The following ST6GALNAC3 variants were observed in gnomAD, a reference collection of about 807,000 sequenced individuals.
ST6GALNAC3 encodes ST6 N-acetylgalactosaminide alpha-2,6-sialyltransferase 3.
ST6GALNAC3 carries 25 observed loss-of-function variants against 32.7 expected under a neutral mutation model. That is an observed-to-expected ratio of 0.76 (90% CI 0.56 to 1.07). The LOEUF is 1.07. ST6GALNAC3 is among the 50% of genes least tolerant of loss of function. The probability of loss-of-function intolerance (pLI) is 0.00; values close to 1 mark genes in which losing one functional copy is unlikely to be tolerated. For missense variants in ST6GALNAC3, 355 were observed against 382.4 expected (o/e 0.93, Z 0.60); for synonymous variants, 129 against 133.1 (o/e 0.97, Z 0.21).
At chr1:76,355,589 T>G (rs936420022) in intron 2 of ST6GALNAC3, among the ~76,000 whole-genome samples, 3 of 152,218 alleles carry the variant, frequency 2.0e-5, no homozygotes, top group Non-Finnish European at 2.9e-5. Context: ...TGGCCCACTC[T>G]GTATCAGAAA....
At chr1:76,150,782 T>C (rs1168478175) in intron 1 of ST6GALNAC3, among the ~76,000 whole-genome samples, 2 of 152,186 alleles carry the variant, frequency 1.3e-5, no homozygotes, top group East Asian at 1.9e-4. Context: ...GGTGCAGAGA[T>C]TTCTCCTGCT....
rs1351065662 is a variant in ST6GALNAC3, at chr1:76,483,014, T to G, written c.623+70597T>G. ...CCTTGCGACAGTTTGCTGAGAATGA[T>G]AGTTTCCAGCTTCATCCATGTCCCT... On this transcript the variant is annotated intron_variant, in intron 3 of 4. Coordinates refer to ENST00000328299, the MANE Select transcript of ST6GALNAC3 (RefSeq NM_152996.4). 2.0e-5 allele frequency among the ~76,000 whole-genome samples: 3 copies of G among 151,992 alleles called. 1 individual carries two copies. Among genetic ancestry groups the G allele is most frequent in the Non-Finnish European group, 4.4e-5 (3 of 68,004 alleles).
chr1:76,199,963 T>C (rs1654427457), intron 1 of ST6GALNAC3, among the ~76,000 whole-genome samples: 1 of 152,172 alleles, frequency 6.6e-6, no homozygotes, highest in Admixed American at 6.6e-5. Context: ...GAGTTGAGAT[T>C]CTTGATTAAA....
At chr1:76,216,314 A>G (rs1337979076) in intron 1 of ST6GALNAC3, among the ~76,000 whole-genome samples, 2 of 152,196 alleles carry the variant, frequency 1.3e-5, no homozygotes, top group Non-Finnish European at 2.9e-5. Context: ...ATATATGTGT[A>G]TGTTTTCCTC....
chr1:76,612,961 G>A lies in ST6GALNAC3; in HGVS notation c.624-14491G>A, dbSNP rs139394434. On this transcript the variant is annotated intron_variant, in intron 3 of 4. Coordinates refer to ENST00000328299, the MANE Select transcript of ST6GALNAC3 (RefSeq NM_152996.4). Reference sequence around the variant, plus strand: ...TCCTATGGGAGGCTGGCATGCAGATGTCACCGTGGGGCTTTGTTGATTATG... The same window carrying A: ...TCCTATGGGAGGCTGGCATGCAGATATCACCGTGGGGCTTTGTTGATTATG... 2.8e-4 allele frequency among the ~76,000 whole-genome samples: 42 copies of A among 152,338 alleles called. No individual in the cohort carries two copies. The East Asian group carries it at 7.9e-3, about 29-fold the overall frequency.
chr1:76,404,077 G>A (rs2101234941), intron 2 of ST6GALNAC3, among the ~76,000 whole-genome samples: 1 of 152,028 alleles, frequency 6.6e-6, no homozygotes, highest in African/African-American at 2.4e-5. Context: ...GTTGCCTGTT[G>A]TAGAATTATT....
In ST6GALNAC3 at chr1:76,144,777, GT is replaced by G. The variant is rs1650572242; in HGVS notation, c.18+69894del. On this transcript the variant is annotated intron_variant, in intron 1 of 4. Coordinates refer to ENST00000328299, the MANE Select transcript of ST6GALNAC3 (RefSeq NM_152996.4). Reference sequence around the variant, plus strand: ...ACATAGATGACAGTTGTGTCCTGAAGTCTGATAGCTTCTATGAATTTCTCAA... The same window carrying G: ...ACATAGATGACAGTTGTGTCCTGAAGCTGATAGCTTCTATGAATTTCTCAA... Among the ~76,000 whole-genome samples the G allele has an allele frequency of 4.6e-5, 7 of 152,308 alleles. No individual in the cohort carries two copies. In the South Asian group the frequency reaches 1.4e-3, roughly 32 times the overall value.
intron 2 of ST6GALNAC3, among the ~76,000 whole-genome samples, chr1:76,396,211 T>A (rs965549038): frequency 1.1e-4 from 16 of 152,304 alleles, no homozygotes; most frequent in African/African-American, 3.6e-4. Flanking sequence ...ATGCCTGTAG[T>A]TCCAGCATTT....
chr1:76,432,995 G>A (rs1042325714), intron 3 of ST6GALNAC3, among the ~76,000 whole-genome samples: 5 of 152,034 alleles, frequency 3.3e-5, no homozygotes, highest in African/African-American at 1.2e-4. Context: ...AAAACCTTTT[G>A]CCACCCCGCC....
intron 1 of ST6GALNAC3, among the ~76,000 whole-genome samples, chr1:76,235,844 C>A (rs973234124): frequency 1.3e-5 from 2 of 150,712 alleles, no homozygotes; most frequent in African/African-American, 4.9e-5. Flanking sequence ...TGTTCCTGAT[C>A]TCTGCCTTCA....
At position 76,318,074 on chromosome 1, in the gene ST6GALNAC3, A is replaced by ATTT. The variant is rs1557781928; in HGVS notation, c.213+4075_213+4076insTTT. On this transcript the variant is annotated intron_variant, in intron 2 of 4. Transcript: ENST00000328299. ...TTTATCAATTAATCTGTTTTTTTTAAAAAAAATAATCTGTTCCCAGGGGAA... is the reference window on the plus strand; with the variant it reads ...TTTATCAATTAATCTGTTTTTTTTAATTTAAAAAATAATCTGTTCCCAGGGGAA... Among the ~76,000 whole-genome samples, 32 of 151,582 alleles carry ATTT rather than the reference A, an allele frequency of 2.1e-4. 1 individual carries two copies. Among genetic ancestry groups the ATTT allele is most frequent in the African/African-American group, 5.8e-4 (24 of 41,288 alleles).
chr1:76,144,568 C>T lies in ST6GALNAC3; in HGVS notation c.18+69684C>T, dbSNP rs139328735. On this transcript the variant is annotated intron_variant, in intron 1 of 4. Coordinates refer to ENST00000328299, the MANE Select transcript of ST6GALNAC3 (RefSeq NM_152996.4). The stretch of plus-strand genomic sequence containing the variant: ...AGCTTACAATCAATGCTGAAGAAAA[C>T]AACACGGAAGGATTCCCCCTGCCTT... 2.9e-4 allele frequency among the ~76,000 whole-genome samples: 44 copies of T among 152,308 alleles called. No individual in the cohort carries two copies. In the Middle Eastern group the frequency reaches 0.01, roughly 35 times the overall value.
intron 3 of ST6GALNAC3, among the ~76,000 whole-genome samples, chr1:76,589,929 G>A (rs1357789062): frequency 6.8e-6 from 1 of 146,300 alleles, no homozygotes; most frequent in Admixed American, 7.1e-5. Context: ...GTGGGAGGAG[G>A]GCTCCAGTTC....
chr1:76,181,721 G>A (rs927328748), intron 1 of ST6GALNAC3, among the ~76,000 whole-genome samples: 2 of 152,156 alleles, frequency 1.3e-5, no homozygotes, highest in East Asian at 1.9e-4. Flanking sequence ...CAGGTTTGGT[G>A]TCAGCCACAC....
intron 3 of ST6GALNAC3, among the ~76,000 whole-genome samples, chr1:76,440,085 C>T (rs909611516): frequency 1.3e-5 from 2 of 152,130 alleles, no homozygotes; most frequent in African/African-American, 2.4e-5. Context: ...AATTATATTT[C>T]GTTTTACAAA....
At chr1:76,186,571 A>T (rs1653570445) in intron 1 of ST6GALNAC3, among the ~76,000 whole-genome samples, 1 of 152,106 alleles carries the variant, frequency 6.6e-6, no homozygotes, top group Non-Finnish European at 1.5e-5. Flanking sequence ...CGAGATAAGG[A>T]ATGCAGGTCC....
At chr1:76,537,446 G>A (rs539870921) in intron 3 of ST6GALNAC3, among the ~76,000 whole-genome samples, 148 of 152,048 alleles carry the variant, frequency 9.7e-4, no homozygotes, top group African/African-American at 3.4e-3. Context: ...AACCCTAGCA[G>A]AAAACAAGAA....
At chr1:76,339,739 A>G (rs1238190790) in intron 2 of ST6GALNAC3, among the ~76,000 whole-genome samples, 2 of 152,172 alleles carry the variant, frequency 1.3e-5, no homozygotes, top group African/African-American at 4.8e-5. Context: ...GACCACAGAG[A>G]CCAAGCAACT....
intron 1 of ST6GALNAC3, among the ~76,000 whole-genome samples, chr1:76,114,197 TA>T (rs1466716866): frequency 6.6e-6 from 1 of 152,064 alleles, no homozygotes; most frequent in African/African-American, 2.4e-5. Flanking sequence ...CCCAGGTGGT[TA>T]AAAAAATGTA....
Sources: allele counts gnomAD v4.1 joint callset (sites outside exome capture counted in the v4.1 genomes callset), GRCh38; gene constraint gnomAD v4.1.1; transcripts MANE v1.5; gene names NCBI Gene and HGNC (gene_info 2026-07-23, HGNC 2026-07-21).